The following LGR6 variants were observed in gnomAD, a reference collection of about 807,000 sequenced individuals.
The protein encoded by LGR6 is leucine-rich repeat-containing G protein-coupled receptor 6.
Under a neutral mutation model 69.4 loss-of-function variants are expected in LGR6, and 45 were observed. That is an observed-to-expected ratio of 0.65 (90% confidence interval 0.51 to 0.83). LGR6 has a LOEUF of 0.83. Ranked by LOEUF, LGR6 falls within the 40% of genes least tolerant of loss-of-function variation. LGR6 has a pLI of 0.00. For synonymous variants in LGR6, 538 were observed against 555.0 expected (o/e 0.97, Z 0.43); for missense variants, 1,108 against 1,246.7 (o/e 0.89, Z 1.68).
chr1:202,303,211 A>G, intron 9 of LGR6, 68 bp from the exon 10 acceptor site: 1 of 1,184,986 alleles, frequency 8.4e-7, no homozygotes, highest in Non-Finnish European at 1.3e-6. Context: ...GACAAAATGG[A>G]GAATTGAGAG....
intron 4 of LGR6, among the ~76,000 whole-genome samples, chr1:202,271,581 T>C (rs1571935938): frequency 6.6e-6 from 1 of 151,674 alleles, no homozygotes; most frequent in Non-Finnish European, 1.5e-5. Context: ...CTGAGGCGGG[T>C]GGATCACCTG....
intron 13 of LGR6, 90 bp downstream of exon 13, chr1:202,307,029 T>A: frequency 8.6e-7 from 1 of 1,168,034 alleles, no homozygotes; most frequent in Non-Finnish European, 1.3e-6. Flanking sequence ...GTGTACAATT[T>A]AAGCAAATGT....
intron 6 of LGR6, among the ~76,000 whole-genome samples, chr1:202,287,811 A>C (rs1666505758): frequency 6.6e-6 from 1 of 152,102 alleles, no homozygotes; most frequent in African/African-American, 2.4e-5. Flanking sequence ...CACTGCTACC[A>C]CGATGCTCCA....
chr1:202,271,246 C>T (rs1043754588), intron 4 of LGR6, among the ~76,000 whole-genome samples: 5 of 152,082 alleles, frequency 3.3e-5, no homozygotes, highest in Non-Finnish European at 5.9e-5. Context: ...GCTGGCGGCT[C>T]GGAGACTCCT....
Position 202,294,825 on chromosome 1 carries a change from A to T in LGR6, c.717-2683A>T, listed in dbSNP as rs540977181. Reference sequence around the variant, plus strand: ...TCACTTTTAATCTACCACACTGGATAAGGGAATAGCAAATGAGAGGATATG... The same window carrying T: ...TCACTTTTAATCTACCACACTGGATTAGGGAATAGCAAATGAGAGGATATG... On this transcript the variant is annotated intron_variant, in intron 6 of 17. Coordinates refer to ENST00000367278, the MANE Select transcript of LGR6 (RefSeq NM_001017403.2). Among the ~76,000 whole-genome samples, 8 of 152,328 alleles carry T rather than the reference A, an allele frequency of 5.3e-5. No individual in the cohort carries two copies. In the East Asian group the frequency reaches 1.5e-3, roughly 29 times the overall value.
intron 14 of LGR6, 115 bp downstream of exon 14, chr1:202,307,516 G>T: frequency 1.2e-6 from 1 of 822,664 alleles, no homozygotes. Context: ...CCAGGGAGAT[G>T]GGCCTCAGCC....
chr1:202,279,092 G>T (rs1301281847), intron 5 of LGR6, among the ~76,000 whole-genome samples: 5 of 152,166 alleles, frequency 3.3e-5, no homozygotes, highest in Non-Finnish European at 4.4e-5. Flanking sequence ...AGATACTGGG[G>T]GAGGCAGAAG....
At chr1:202,272,327 C>T (rs376180932) in intron 4 of LGR6, among the ~76,000 whole-genome samples, 6 of 152,340 alleles carry the variant, frequency 3.9e-5, no homozygotes, top group East Asian at 3.9e-4. Context: ...GTAAACGCCC[C>T]GTCTCTCTGC....
chr1:202,211,313 C>T (rs1212024976), intron 1 of LGR6, among the ~76,000 whole-genome samples: 3 of 152,198 alleles, frequency 2.0e-5, no homozygotes. Context: ...CCATGGGAAC[C>T]TAGAGGGGAG....
At chr1:202,285,114 T>C (rs1047394752) in intron 6 of LGR6, among the ~76,000 whole-genome samples, 3 of 152,256 alleles carry the variant, frequency 2.0e-5, no homozygotes, top group African/African-American at 7.2e-5. Flanking sequence ...AAATTGTACC[T>C]TCCACATCAA....
intron 1 of LGR6, among the ~76,000 whole-genome samples, chr1:202,208,530 G>A (rs778113674): frequency 6.6e-6 from 1 of 152,038 alleles, no homozygotes; most frequent in East Asian, 1.9e-4. Context: ...CAGGGGCCGG[G>A]ATAGGACATG....
intron 1 of LGR6, among the ~76,000 whole-genome samples, chr1:202,204,569 C>A (rs561784195): frequency 1.1e-4 from 17 of 151,188 alleles, no homozygotes; most frequent in African/African-American, 3.9e-4. Flanking sequence ...CAAACACAAA[C>A]ACACCTAACA....
chr1:202,286,345 A>G (rs1245533626), intron 6 of LGR6, among the ~76,000 whole-genome samples: 2 of 152,220 alleles, frequency 1.3e-5, no homozygotes, highest in South Asian at 2.1e-4. Flanking sequence ...TCATCCCACT[A>G]GTCACTGGGC....
chr1:202,273,448 C>A (rs1425612938), intron 4 of LGR6, among the ~76,000 whole-genome samples: 2 of 151,792 alleles, frequency 1.3e-5, no homozygotes, highest in East Asian at 3.9e-4. Context: ...ATCAATGTGA[C>A]CTGTTTTTTT....
At chr1:202,222,386 C>A (rs986770906) in intron 1 of LGR6, among the ~76,000 whole-genome samples, 1 of 151,956 alleles carries the variant, frequency 6.6e-6, no homozygotes, top group Non-Finnish European at 1.5e-5. Flanking sequence ...ACAATGAGGC[C>A]GCTAGTCAGG....
At chr1:202,197,192 T>C in intron 1 of LGR6, 1 of 481,686 alleles carries the variant, frequency 2.1e-6, no homozygotes, top group Non-Finnish European at 4.2e-6. Flanking sequence ...ACTCCACGGC[T>C]GTGAGATTTT....
chr1:202,204,675 C>CCTT (rs1659023392), intron 1 of LGR6, among the ~76,000 whole-genome samples: 1 of 8,900 alleles, frequency 1.1e-4, no homozygotes, highest in Non-Finnish European at 2.3e-4. Context: ...ACACACGCCT[C>CCTT]CAAACACACA....
chr1:202,193,944 G>T lies in LGR6; in HGVS notation c.-46G>T. The T allele has an allele frequency of 8.3e-7, 1 of 1,211,972 alleles. No homozygotes were observed. The highest frequency in any genetic ancestry group is 1.0e-6 in the Non-Finnish European group (1 of 954,578). The allele number at this position is 1,211,972 out of a possible 1,614,324, so 75.1% of individuals were successfully genotyped here. A position where few individuals can be genotyped will look rare whatever the true frequency, so the allele number is the denominator to read the frequency against. On this transcript the variant is annotated 5_prime_UTR_variant, in exon 1 of 18. Transcript: ENST00000367278. ...GAAGCAGCTGCGGCCATCGCGCCGT[G>T]CGTCCGCGCCCGGCCGCCAGGTGCC...
chr1:202,238,571 G>A (rs1007761613), intron 4 of LGR6, among the ~76,000 whole-genome samples: 1 of 151,696 alleles, frequency 6.6e-6, no homozygotes, highest in Non-Finnish European at 1.5e-5. Context: ...CTACAGGCGT[G>A]GGCTACCACG....
Sources: gnomAD v4.1 joint callset for allele counts (sites outside exome capture counted in the v4.1 genomes callset) on GRCh38, gnomAD v4.1.1 for gene constraint, MANE v1.5 for transcripts, NCBI Gene and HGNC (gene_info 2026-07-23, HGNC 2026-07-21) for gene names.